Variants in AGBL1 observed in about 807,000 individuals in gnomAD.
AGBL1 encodes cytosolic carboxypeptidase 4.
Under a neutral mutation model 118.9 loss-of-function variants are expected in AGBL1, and 130 were observed. That is an observed-to-expected ratio of 1.09 (90% CI 0.95 to 1.26). The LOEUF is 1.26. AGBL1 is among the 50% of genes most tolerant of loss of function. AGBL1 has a pLI of 0.00. For missense variants in AGBL1, 1,584 were observed against 1,298.1 expected, an observed-to-expected ratio of 1.22 and a Z score of -3.38; for synonymous variants, 555 against 478.9, an observed-to-expected ratio of 1.16 and a Z score of -2.08.
intron 21 of AGBL1, among the ~76,000 whole-genome samples, chr15:86,640,065 C>T (rs766390529): frequency 6.6e-6 from 1 of 152,090 alleles, no homozygotes; most frequent in Non-Finnish European, 1.5e-5. Context: ...AATTGTAATA[C>T]TCTATATACA....
At chr15:86,551,158 A>G (rs1340293794) in intron 20 of AGBL1, among the ~76,000 whole-genome samples, 2 of 152,116 alleles carry the variant, frequency 1.3e-5, no homozygotes, top group East Asian at 3.8e-4. Flanking sequence ...CTAAGCATCC[A>G]CATTCAGAAA....
intron 22 of AGBL1, among the ~76,000 whole-genome samples, chr15:86,853,964 C>T (rs775158024): frequency 1.3e-5 from 2 of 152,048 alleles, no homozygotes; most frequent in African/African-American, 2.4e-5. Context: ...TAGGGAAATG[C>T]TCGATACCCA....
intron 22 of AGBL1, among the ~76,000 whole-genome samples, chr15:86,693,203 T>A (rs914726137): frequency 1.3e-5 from 2 of 152,162 alleles, no homozygotes; most frequent in Admixed American, 1.3e-4. Flanking sequence ...CCATAGTCGT[T>A]GTACTAGTTT....
chr15:86,175,511 G>C (rs970174019), intron 5 of AGBL1, among the ~76,000 whole-genome samples: 6 of 151,780 alleles, frequency 4.0e-5, no homozygotes, highest in African/African-American at 1.5e-4. Context: ...GTTCTGCTCT[G>C]ATCTTTATTA....
chr15:86,625,220 C>T (rs995011857), intron 21 of AGBL1, among the ~76,000 whole-genome samples: 2 of 152,096 alleles, frequency 1.3e-5, no homozygotes, highest in Non-Finnish European at 2.9e-5. Flanking sequence ...AGAGATGGGC[C>T]TCAGTTTCCC....
At chr15:86,903,662 A>C (rs562989382) in intron 22 of AGBL1, among the ~76,000 whole-genome samples, 1 of 152,314 alleles carries the variant, frequency 6.6e-6, no homozygotes, top group South Asian at 2.1e-4. Flanking sequence ...CACAACAGAA[A>C]AAGGGAGCTT....
chr15:86,755,315 C>T (rs2077919606), intron 22 of AGBL1, among the ~76,000 whole-genome samples: 2 of 152,176 alleles, frequency 1.3e-5, no homozygotes, highest in South Asian at 4.1e-4. Flanking sequence ...AAATTCTATT[C>T]TATACTTCAT....
chr15:86,934,310 C>T (rs1483730967), intron 23 of AGBL1, among the ~76,000 whole-genome samples: 2 of 152,080 alleles, frequency 1.3e-5, no homozygotes, highest in Non-Finnish European at 2.9e-5. Flanking sequence ...CTTTAAGTGT[C>T]CAGAAAGCTG....
chr15:86,365,168 C>T (rs2080869321), intron 17 of AGBL1, among the ~76,000 whole-genome samples: 1 of 151,678 alleles, frequency 6.6e-6, no homozygotes, highest in South Asian at 2.1e-4. Flanking sequence ...GCAGTAGTAA[C>T]TGAAAAAGTG....
At chr15:86,286,735 G>GTGTGTATA in intron 16 of AGBL1, among the ~76,000 whole-genome samples, 1 of 106,250 alleles carries the variant, frequency 9.4e-6, no homozygotes, top group African/African-American at 3.9e-5. Context: ...GTTTGTGTGT[G>GTGTGTATA]TATATATATA....
At chr15:87,001,908 T>C (rs971198793) in intron 24 of AGBL1, among the ~76,000 whole-genome samples, 3 of 152,026 alleles carry the variant, frequency 2.0e-5, no homozygotes, top group Non-Finnish European at 2.9e-5. Context: ...GTTGCAAAAA[T>C]TTTCTCCCAT....
intron 4 of AGBL1, among the ~76,000 whole-genome samples, chr15:86,157,447 T>C (rs2141701514): frequency 6.6e-6 from 1 of 152,298 alleles, no homozygotes; most frequent in African/African-American, 2.4e-5. Flanking sequence ...AAAACTTGCC[T>C]TCCTTAAATA....
At chr15:86,250,561 A>AAAAAAAAAAAAAAAAAAAAAACAAAAC (rs1567155375) in intron 7 of AGBL1, among the ~76,000 whole-genome samples, 1 of 131,696 alleles carries the variant, frequency 7.6e-6, no homozygotes, top group Admixed American at 7.6e-5. Flanking sequence ...AAAAAAAAAA[A>AAAAAAAAAAAAAAAAAAAAAACAAAAC]AAAAAAAAAA....
intron 18 of AGBL1, among the ~76,000 whole-genome samples, chr15:86,466,244 T>C (rs999771738): frequency 2.0e-5 from 3 of 152,228 alleles, no homozygotes; most frequent in Non-Finnish European, 4.4e-5. Context: ...ATTAAGTTGA[T>C]CTTCAGTCTC....
At chr15:86,225,052 G>C in intron 6 of AGBL1, 101 bp downstream of exon 6, 1 of 1,030,608 alleles carries the variant, frequency 9.7e-7, no homozygotes, top group Non-Finnish European at 1.4e-6. Context: ...TTTTTTTCAT[G>C]AACTACTATT....
At chr15:86,745,646 C>T (rs541783919) in intron 22 of AGBL1, among the ~76,000 whole-genome samples, 2 of 152,122 alleles carry the variant, frequency 1.3e-5, no homozygotes, top group South Asian at 4.2e-4. Flanking sequence ...TAAATCCCAC[C>T]TCCCGATTTT....
At position 86,880,079 on chromosome 15, in the gene AGBL1, C is replaced by T. The variant is rs193239277; in HGVS notation, c.3159-27008C>T. Reference sequence around the variant, plus strand: ...ACTAGAGCGTTCCTCAGCAACAGTGCCTGTCAGAGAAGAAATCCAGAGCCG... The same window carrying T: ...ACTAGAGCGTTCCTCAGCAACAGTGTCTGTCAGAGAAGAAATCCAGAGCCG... On this transcript the variant is annotated intron_variant, in intron 22 of 22. Transcript: ENST00000614907. Among the ~76,000 whole-genome samples the T allele has an allele frequency of 2.0e-5, 3 of 152,310 alleles. No homozygotes were observed. In the East Asian group the frequency reaches 5.8e-4, roughly 29 times the overall value.
chr15:86,432,987 C>T (rs967066173), intron 18 of AGBL1, among the ~76,000 whole-genome samples: 2 of 152,154 alleles, frequency 1.3e-5, no homozygotes, highest in Non-Finnish European at 2.9e-5. Context: ...AGGTCCAGTC[C>T]TGGTGATCAT....
chr15:86,862,763 T>C (rs2079576695), intron 22 of AGBL1, among the ~76,000 whole-genome samples: 1 of 152,158 alleles, frequency 6.6e-6, no homozygotes, highest in African/African-American at 2.4e-5. Flanking sequence ...ACAAAGTTCT[T>C]TTTACCATTT....
Sources: gnomAD v4.1 joint callset for allele counts (sites outside exome capture counted in the v4.1 genomes callset) on GRCh38, gnomAD v4.1.1 for gene constraint, MANE v1.5 for transcripts, NCBI Gene and HGNC (gene_info 2026-07-23, HGNC 2026-07-21) for gene names.